Variants in ATP2B2 observed in about 807,000 individuals in gnomAD.
The protein encoded by ATP2B2 is ATPase plasma membrane Ca2+ transporting 2.
In ATP2B2, 15 loss-of-function variants were observed where a neutral mutation model predicts 120.0. That is an observed-to-expected ratio of 0.12 (90% CI 0.08 to 0.19). The LOEUF is 0.19. ATP2B2 is among the 10% of genes least tolerant of loss of function. The pLI, the probability that ATP2B2 is intolerant of heterozygous loss-of-function variation, is 1.00. For synonymous variants in ATP2B2, 694 were observed against 700.3 expected (o/e 0.99, Z 0.14); for missense variants, 1,045 against 1,719.8 (o/e 0.61, Z 6.94).
intron 2 of ATP2B2, among the ~76,000 whole-genome samples, chr3:10,606,934 GAGAGGGAGAGGGAGAGGGGGA>G (rs1408346784): frequency 4.3e-5 from 3 of 69,814 alleles, no homozygotes; most frequent in African/African-American, 1.9e-4. Context: ...GAGAGAGAGA[GAGAGGGAGAGGGAGAGGGGGA>G]GGGGGGGAGA....
chr3:10,420,275 C>T (rs1208684469), intron 2 of ATP2B2, among the ~76,000 whole-genome samples: 2 of 152,076 alleles, frequency 1.3e-5, no homozygotes, highest in South Asian at 2.1e-4. Flanking sequence ...AATGGGACAG[C>T]GGATCTAGGT....
At chr3:10,336,198 TAG>T in intron 22 of ATP2B2, 1 of 1,550,658 alleles carries the variant, frequency 6.4e-7, no homozygotes, top group Non-Finnish European at 8.7e-7. Flanking sequence ...CGACTAGGGC[TAG>T]AGAGATTGGC....
At chr3:10,459,210 C>A (rs1267170584) in intron 1 of ATP2B2, among the ~76,000 whole-genome samples, 2 of 152,258 alleles carry the variant, frequency 1.3e-5, no homozygotes, top group Non-Finnish European at 2.9e-5. Context: ...GACTGCGGTG[C>A]CTGCCTTCCA....
Position 10,340,832 on chromosome 3 carries a change from G to T in ATP2B2, c.2918-128C>A. ...TCCCCAAGACATCAAGGCATGCTTG[G>T]ACAGTGGGGGGCCAGGGCTGTGCTG... On this transcript the variant is annotated intron_variant, in intron 19 of 22. Transcript: ENST00000360273. This position sits in a 1 kb window ranked among gnomAD's most constrained non-coding sequence, Gnocchi z 5.0. 1.1e-6 allele frequency: 1 copy of T among 923,686 alleles called. No homozygotes were observed. Among genetic ancestry groups the T allele is most frequent in the Non-Finnish European group, 1.7e-6 (1 of 582,652 alleles). 57.2% of individuals were successfully genotyped at this position (923,686 alleles called of 1,614,324 possible).
At chr3:10,586,322 C>T (rs939635942) in intron 2 of ATP2B2, among the ~76,000 whole-genome samples, 37 of 152,308 alleles carry the variant, frequency 2.4e-4, no homozygotes, top group Middle Eastern at 6.8e-3. Context: ...ACCCTGCCAG[C>T]ACCTGAGGTG....
At chr3:10,451,686 C>T (rs936011419) in intron 1 of ATP2B2, among the ~76,000 whole-genome samples, 9 of 152,134 alleles carry the variant, frequency 5.9e-5, no homozygotes, top group Non-Finnish European at 8.8e-5. Flanking sequence ...CAAGAAGAGG[C>T]ACAGAGACAT....
chr3:10,707,727 T>C, intron 1 of ATP2B2, among the ~76,000 whole-genome samples: 1 of 148,934 alleles, frequency 6.7e-6, no homozygotes, highest in Non-Finnish European at 1.5e-5. Flanking sequence ...TCAAGGTCAC[T>C]GCTGACAAGG....
At chr3:10,584,045 G>C (rs1276735437) in intron 2 of ATP2B2, among the ~76,000 whole-genome samples, 1 of 152,240 alleles carries the variant, frequency 6.6e-6, no homozygotes, top group African/African-American at 2.4e-5. Context: ...CACAGCCGCT[G>C]CCCTCCTGCA....
At chr3:10,588,473 T>C (rs2068567103) in intron 2 of ATP2B2, among the ~76,000 whole-genome samples, 1 of 152,160 alleles carries the variant, frequency 6.6e-6, no homozygotes, top group African/African-American at 2.4e-5. Flanking sequence ...GGTCCACAAT[T>C]CACAGCAGCA....
chr3:10,581,270 T>G (rs987784327), intron 2 of ATP2B2, among the ~76,000 whole-genome samples: 1 of 152,160 alleles, frequency 6.6e-6, no homozygotes, highest in Non-Finnish European at 1.5e-5. Flanking sequence ...GAAGAGAAGT[T>G]CTGAAGATGA....
chr3:10,367,058 G>C (rs142932957), intron 12 of ATP2B2, among the ~76,000 whole-genome samples: 12 of 152,324 alleles, frequency 7.9e-5, no homozygotes, highest in East Asian at 7.7e-4. Context: ...TCCTCCACCC[G>C]TGCCTGGGGT....
chr3:10,335,953 G>A (rs28583179), intron 22 of ATP2B2, among the ~76,000 whole-genome samples: 255 of 152,254 alleles, frequency 1.7e-3, no homozygotes, highest in African/African-American at 5.8e-3. Context: ...GACTGCCACC[G>A]CATGACTGGC....
At chr3:10,586,944 C>T (rs932285891) in intron 2 of ATP2B2, among the ~76,000 whole-genome samples, 10 of 152,192 alleles carry the variant, frequency 6.6e-5, no homozygotes, top group African/African-American at 2.4e-4. Flanking sequence ...TCCTCCCCAT[C>T]TCTGCCTCAC....
At chr3:10,517,219 C>CT (rs1387187199) in intron 3 of ATP2B2, among the ~76,000 whole-genome samples, 1 of 152,226 alleles carries the variant, frequency 6.6e-6, no homozygotes, top group Middle Eastern at 3.2e-3. Context: ...TCGACTGGGT[C>CT]TACACCGAGG....
intron 2 of ATP2B2, among the ~76,000 whole-genome samples, chr3:10,438,764 G>A (rs1443053040): frequency 3.3e-5 from 5 of 152,208 alleles, no homozygotes; most frequent in Admixed American, 2.0e-4. Flanking sequence ...AACTCGAGGC[G>A]TTTGTGGGAC....
chr3:10,357,742 A>C (rs955968601), intron 14 of ATP2B2, among the ~76,000 whole-genome samples: 2 of 152,190 alleles, frequency 1.3e-5, no homozygotes, highest in Non-Finnish European at 2.9e-5. Flanking sequence ...AGTGGAAGCC[A>C]GCCCCTCCTG....
intron 1 of ATP2B2, among the ~76,000 whole-genome samples, chr3:10,454,295 C>A (rs1362944361): frequency 4.6e-5 from 7 of 152,176 alleles, no homozygotes; most frequent in African/African-American, 1.4e-4. Context: ...AATGCCTTTC[C>A]TCTCAGCTCC....
intron 14 of ATP2B2, among the ~76,000 whole-genome samples, chr3:10,351,054 G>C (rs1446095231): frequency 1.3e-5 from 2 of 152,124 alleles, no homozygotes; most frequent in Non-Finnish European, 2.9e-5. Flanking sequence ...GCATTTGGGG[G>C]CATTTTACTT....
chr3:10,500,569 G>A (rs2066342953), intron 1 of ATP2B2, among the ~76,000 whole-genome samples: 1 of 152,004 alleles, frequency 6.6e-6, no homozygotes, highest in African/African-American at 2.4e-5. Flanking sequence ...ACACAGGAAG[G>A]AGTGAGGTGA....
Sources: gnomAD v4.1 joint callset for allele counts (sites outside exome capture counted in the v4.1 genomes callset) on GRCh38, gnomAD v4.1.1 for gene constraint, Gnocchi (gnomAD v3.1) non-coding constraint, MANE v1.5 for transcripts, NCBI Gene and HGNC (gene_info 2026-07-23, HGNC 2026-07-21) for gene names.